Variants in THADA observed in about 807,000 individuals in gnomAD.
THADA encodes the protein THADA armadillo repeat containing, also known as tRNA (32-2'-O)-methyltransferase regulator THADA.
THADA carries 213 observed loss-of-function variants against 219.8 expected under a neutral mutation model. The ratio of observed to expected loss-of-function variants is 0.97; its 90% CI spans 0.87 to 1.09. The LOEUF is 1.09. THADA is among the 50% of genes least tolerant of loss of function. The probability of loss-of-function intolerance (pLI) is 0.00; values close to 1 mark genes in which losing one functional copy is unlikely to be tolerated. For synonymous variants in THADA, 1,018 were observed against 828.9 expected, an observed-to-expected ratio of 1.23 and a Z score of -3.92; for missense variants, 2,956 against 2,311.3, an observed-to-expected ratio of 1.28 and a Z score of -5.72.
Position 43,592,061 on chromosome 2 carries a change from C to A in THADA, c.77-15G>T. Reference sequence around the variant, plus strand: ...ATCAGCAAAAGCTATATAACATATACAAAAAAAAATTTTCAATGATTTAAC... The same window carrying A: ...ATCAGCAAAAGCTATATAACATATAAAAAAAAAAATTTTCAATGATTTAAC... On this transcript the variant is annotated splice_polypyrimidine_tract_variant and intron_variant, in intron 2 of 37. Coordinates refer to ENST00000405975, the MANE Select transcript of THADA (RefSeq NM_022065.5). 2.7e-6 allele frequency: 4 copies of A among 1,507,658 alleles called. No homozygotes were observed. The highest frequency in any genetic ancestry group is 1.8e-6 in the Non-Finnish European group (2 of 1,127,344). The allele number at this position is 1,507,658 out of a possible 1,614,324, so 93.4% of individuals were successfully genotyped here. A position where few individuals can be genotyped will look rare whatever the true frequency, so the allele number is the denominator to read the frequency against.
chr2:43,436,779 T>C lies in THADA; in HGVS notation c.3837-6477A>G, dbSNP rs556456294. On this transcript the variant is annotated intron_variant, in intron 26 of 37. Coordinates refer to ENST00000405975, the MANE Select transcript of THADA (RefSeq NM_022065.5). ...GCACTATCAACATATGCTCCTCAAC[T>C]GACGTAGGGATCTCCCCAAACTGTA... Among the ~76,000 whole-genome samples, 6 of 152,348 alleles carry C rather than the reference T, an allele frequency of 3.9e-5. No individual in the cohort carries two copies. In the East Asian group the frequency reaches 1.2e-3, roughly 29 times the overall value.
chr2:43,478,128 G>A (rs756468607), intron 26 of THADA, among the ~76,000 whole-genome samples: 17 of 152,098 alleles, frequency 1.1e-4, no homozygotes, highest in Non-Finnish European at 1.8e-4. Context: ...TCTCAGACAT[G>A]TTATAAACTA....
At chr2:43,316,953 A>G (rs72877363) in intron 31 of THADA, among the ~76,000 whole-genome samples, 3,636 of 152,346 alleles carry the variant, frequency 0.024, 73 homozygotes, top group African/African-American at 0.065. Context: ...ATAATAGTTA[A>G]TATTATTGAG....
chr2:43,267,299 G>C (rs1671629317), intron 36 of THADA, among the ~76,000 whole-genome samples: 1 of 152,346 alleles, frequency 6.6e-6, no homozygotes, highest in Admixed American at 6.5e-5. Flanking sequence ...CCACCTGAGA[G>C]GGTGGACTCC....
intron 28 of THADA, among the ~76,000 whole-genome samples, chr2:43,416,772 C>G (rs13015058): frequency 0.24 from 36,201 of 152,000 alleles, 4,434 homozygotes; most frequent in South Asian, 0.32. Context: ...AAACCAAGGG[C>G]GGTGTGAACC....
intron 13 of THADA, among the ~76,000 whole-genome samples, chr2:43,571,153 G>C (rs1451788377): frequency 6.6e-6 from 1 of 152,178 alleles, no homozygotes; most frequent in East Asian, 1.9e-4. Flanking sequence ...CTACTTCAGA[G>C]GCTGGGGAGG....
chr2:43,557,344 C>T (rs1390256656), intron 16 of THADA, among the ~76,000 whole-genome samples: 1 of 152,202 alleles, frequency 6.6e-6, no homozygotes, highest in African/African-American at 2.4e-5. Context: ...ACTATCTTTA[C>T]TATTTCTAGA....
chr2:43,303,071 T>C (rs1676446126), intron 31 of THADA, among the ~76,000 whole-genome samples: 1 of 152,194 alleles, frequency 6.6e-6, no homozygotes. Flanking sequence ...TTGGAGAAGT[T>C]GATAAAAGCT....
intron 24 of THADA, among the ~76,000 whole-genome samples, chr2:43,501,135 G>A (rs1688897902): frequency 6.6e-6 from 1 of 151,368 alleles, no homozygotes; most frequent in African/African-American, 2.4e-5. Flanking sequence ...GTGAAATCCT[G>A]TCTCTACTAA....
At chr2:43,558,174 AAAG>A (rs1364931429) in intron 16 of THADA, among the ~76,000 whole-genome samples, 3 of 152,232 alleles carry the variant, frequency 2.0e-5, no homozygotes, top group Non-Finnish European at 4.4e-5. Flanking sequence ...ATGCAGCTCC[AAAG>A]AAGGAGAGTA....
At chr2:43,335,702 T>C (rs990346696) in intron 30 of THADA, among the ~76,000 whole-genome samples, 2 of 151,222 alleles carry the variant, frequency 1.3e-5, no homozygotes, top group Admixed American at 6.6e-5. Flanking sequence ...CTCATGTCTG[T>C]AATGCCAGCA....
chr2:43,558,104 A>C (rs1392084329), intron 16 of THADA, among the ~76,000 whole-genome samples: 3 of 152,222 alleles, frequency 2.0e-5, no homozygotes, highest in Non-Finnish European at 2.9e-5. Context: ...TGAAGTCTAA[A>C]ATGTCTTTGT....
intron 35 of THADA, among the ~76,000 whole-genome samples, chr2:43,286,595 G>C (rs556893126): frequency 2.4e-4 from 37 of 152,012 alleles, no homozygotes; most frequent in Non-Finnish European, 4.6e-4. Flanking sequence ...ACAAAAATTA[G>C]CTGGGTTTGG....
chr2:43,364,070 A>C (rs1293834716), intron 29 of THADA, among the ~76,000 whole-genome samples: 1 of 146,516 alleles, frequency 6.8e-6, no homozygotes, highest in African/African-American at 2.7e-5. Flanking sequence ...CAAAATTACA[A>C]AAAATTATAT....
At chr2:43,269,787 C>A (rs777333081) in intron 36 of THADA, among the ~76,000 whole-genome samples, 3 of 152,214 alleles carry the variant, frequency 2.0e-5, no homozygotes, top group African/African-American at 7.2e-5. Context: ...CAATTCCTAG[C>A]CTCTTCTGTT....
intron 8 of THADA, among the ~76,000 whole-genome samples, chr2:43,580,772 C>T (rs554839028): frequency 5.3e-5 from 8 of 151,592 alleles, no homozygotes; most frequent in Admixed American, 1.3e-4. Context: ...CCCAGCTACT[C>T]GGGAGGCTGA....
chr2:43,414,852 CT>C (rs1019263419), intron 28 of THADA, among the ~76,000 whole-genome samples: 1 of 152,084 alleles, frequency 6.6e-6, no homozygotes, highest in African/African-American at 2.4e-5. Context: ...CAAAGACAAG[CT>C]TTCATCTTAG....
chr2:43,416,539 T>A (rs868779586), intron 28 of THADA, among the ~76,000 whole-genome samples: 1 of 152,196 alleles, frequency 6.6e-6, no homozygotes, highest in African/African-American at 2.4e-5. Context: ...CAGCCTACTG[T>A]AGGACTGAGA....
intron 20 of THADA, among the ~76,000 whole-genome samples, chr2:43,542,576 G>A (rs547565878): frequency 2.0e-5 from 3 of 152,230 alleles, no homozygotes; most frequent in African/African-American, 7.2e-5. Flanking sequence ...CAAACAAGAT[G>A]TAAGAACTCG....
Sources: allele counts gnomAD v4.1 joint callset (sites outside exome capture counted in the v4.1 genomes callset), GRCh38; gene constraint gnomAD v4.1.1; transcripts MANE v1.5; gene names NCBI Gene and HGNC (gene_info 2026-07-23, HGNC 2026-07-21).